ANKRD63: variants seen among roughly 807,000 people sequenced by gnomAD.
The protein encoded by ANKRD63 is ankyrin repeat domain-containing protein 63.
A neutral mutation model predicts 21.2 loss-of-function variants in ANKRD63; 18 were observed. The observed-to-expected ratio is 0.85, with a 90% CI of 0.59 to 1.26. The LOEUF is 1.26. Among genes scored for constraint, ANKRD63 ranks in the 50% most tolerant of loss-of-function variants. The probability of loss-of-function intolerance (pLI) is 0.00; values close to 1 mark genes in which losing one functional copy is unlikely to be tolerated. For missense variants in ANKRD63, 523 were observed against 570.9 expected, an observed-to-expected ratio of 0.92 and a Z score of 0.85; for synonymous variants, 322 against 273.3, an observed-to-expected ratio of 1.18 and a Z score of -1.76.
Position 40,280,919 on chromosome 15 carries a change from C to T in ANKRD63, c.*525G>A, listed in dbSNP as rs2039534201. On this transcript the variant is annotated 3_prime_UTR_variant, in exon 1 of 1. Transcript: ENST00000434396. ...CCAGACCCCTTCCTCCTCAACCCTCCAGTCCTGAAAGGCTCTAGGGCCCCC... is the reference window on the plus strand; with the variant it reads ...CCAGACCCCTTCCTCCTCAACCCTCTAGTCCTGAAAGGCTCTAGGGCCCCC... Among the ~76,000 whole-genome samples the T allele has an allele frequency of 6.6e-6, 1 of 152,248 alleles. No individual in the cohort carries two copies. The highest frequency in any genetic ancestry group is 2.4e-5 in the African/African-American group (1 of 41,470).
At position 40,282,724 on chromosome 15, in the gene ANKRD63, C is replaced by T; in HGVS notation, c.-138G>A. The T allele has an allele frequency of 1.6e-6, 1 of 638,778 alleles. No individual in the cohort carries two copies. The allele number at this position is 638,778 out of a possible 1,614,324, so 39.6% of individuals were successfully genotyped here. The stretch of plus-strand genomic sequence containing the variant: ...CGTGGGCGGCTGCAGCCGAGGGTCC[C>T]GAGGTTCCTACTCCGCTGTCCCGGA... On this transcript the variant is annotated 5_prime_UTR_variant, in exon 1 of 1. Transcript: ENST00000434396.
chr15:40,279,086 C>T lies in ANKRD63; in HGVS notation c.*2358G>A, dbSNP rs2039514097. On this transcript the variant is annotated 3_prime_UTR_variant, in exon 1 of 1. Coordinates refer to ENST00000434396, the MANE Select transcript of ANKRD63 (RefSeq NM_001190479.3). Reference sequence around the variant, plus strand: ...CACTTGGGGTGTCCAGTGGTCCCCACCCTACCCCAGACCCTCTCTCTCAGG... The same window carrying T: ...CACTTGGGGTGTCCAGTGGTCCCCATCCTACCCCAGACCCTCTCTCTCAGG... 2.0e-5 allele frequency among the ~76,000 whole-genome samples: 3 copies of T among 152,260 alleles called. No homozygotes were observed. Among genetic ancestry groups the T allele is most frequent in the Non-Finnish European group, 4.4e-5 (3 of 68,042 alleles).
Position 40,282,206 on chromosome 15 carries a change from G to T in ANKRD63, c.381C>A (p.Cys127Ter). The T allele has an allele frequency of 6.6e-7, 1 of 1,504,082 alleles. No homozygotes were observed. The highest frequency in any genetic ancestry group is 2.7e-5 in the East Asian group (1 of 36,888). The allele number at this position is 1,504,082 out of a possible 1,614,324, so 93.2% of individuals were successfully genotyped here. A position where few individuals can be genotyped will look rare whatever the true frequency, so the allele number is the denominator to read the frequency against. Residue 127 changes from cysteine to a stop codon, truncating the protein, a stop_gained, in exon 1 of 1, where the codon TGC becomes TGA. Transcript: ENST00000434396. LOFTEE classifies it high-confidence loss of function. ...GNSPVMWAAACGHGAVLEFLV... is the reference protein window; with the variant it reads ...GNSPVMWAAA ...GGAACTCGAGCACCGCCCCGTGGCC[G>T]CAGGCCGCCGCCCACATCACCGGGC...
In ANKRD63 at chr15:40,281,379, G is replaced by A. The variant is rs546822438; in HGVS notation, c.*65C>T. On this transcript the variant is annotated 3_prime_UTR_variant, in exon 1 of 1. Transcript: ENST00000434396. ...TGCCGAAAAGGTGAGGGACCTAGAA[G>A]AGAGAAATACCAGTGGAGTAGAAAC... 4 of 1,292,558 alleles carry A rather than the reference G, an allele frequency of 3.1e-6. 1 individual carries two copies. In the East Asian group the frequency reaches 1.2e-4, roughly 40 times the overall value. The allele number at this position is 1,292,558 out of a possible 1,614,324, so 80.1% of individuals were successfully genotyped here.
chr15:40,280,041 G>A lies in ANKRD63; in HGVS notation c.*1403C>T, dbSNP rs1397569307. ...GGCAGGGGACAAAGGACAGTGTCAG[G>A]AAAGGGCCTCTGACCACCTCTCTGC... On this transcript the variant is annotated 3_prime_UTR_variant, in exon 1 of 1. Transcript: ENST00000434396. Among the ~76,000 whole-genome samples the A allele has an allele frequency of 1.3e-5, 2 of 152,244 alleles. No individual in the cohort carries two copies. Among genetic ancestry groups the A allele is most frequent in the East Asian group, 1.9e-4 (1 of 5,194 alleles).
At position 40,278,594 on chromosome 15, in the gene ANKRD63, T is replaced by TA. The variant is rs539553207; in HGVS notation, c.*2849dup. 2.2e-3 allele frequency among the ~76,000 whole-genome samples: 337 copies of TA among 152,096 alleles called. 1 individual carries two copies. Among genetic ancestry groups the TA allele is most frequent in the Admixed American group, 4.0e-3 (61 of 15,290 alleles). On this transcript the variant is annotated 3_prime_UTR_variant, in exon 1 of 1. Transcript: ENST00000434396. ...TATTTAGAAAAGTCTCTTCTGAAGG[T>TA]AGAGATTGCTAGAGAGGACCCAGCC...
rs369848854 is a variant in ANKRD63, at chr15:40,282,660, T to G, written c.-74A>C. On this transcript the variant is annotated 5_prime_UTR_variant, in exon 1 of 1. Transcript: ENST00000434396. ...CCCCTGTTCTCGCGCCCCGCGGGGC[T>G]CCGGCCTCCGCCCGCGCTCTGATAC... is the stretch of plus-strand genomic sequence containing the variant. 1 of 1,198,460 alleles carries G rather than the reference T, an allele frequency of 8.3e-7. No homozygotes were observed. The allele number at this position is 1,198,460 out of a possible 1,614,324, so 74.2% of individuals were successfully genotyped here.
rs2039549305 is a variant in ANKRD63, at chr15:40,281,978, GC to G, written c.608del (p.Ser203ThrfsTer55). Reference protein sequence around the residue: ...SPPGRPAPAASPEHRRPSPRR... With the variant: ...SPPGRPAPAAXPEHRRPSPRR... Reference sequence around the variant, plus strand: ...GGGGGCTGGGTCGTCGATGCTCGGGGCTGGCCGCGGGGGCCGGGCGGCCAGG... The same window carrying G: ...GGGGGCTGGGTCGTCGATGCTCGGGGTGGCCGCGGGGGCCGGGCGGCCAGG... On this transcript the variant is annotated frameshift_variant, in exon 1 of 1. Transcript: ENST00000434396. LOFTEE classifies it high-confidence loss of function. 1 of 1,223,258 alleles carries G rather than the reference GC, an allele frequency of 8.2e-7. No individual in the cohort carries two copies. Among genetic ancestry groups the G allele is most frequent in the East Asian group, 3.4e-5 (1 of 29,596 alleles). The allele number at this position is 1,223,258 out of a possible 1,614,324, so 75.8% of individuals were successfully genotyped here. A position where few individuals can be genotyped will look rare whatever the true frequency, so the allele number is the denominator to read the frequency against.
chr15:40,278,492 G>A lies in ANKRD63; in HGVS notation c.*2952C>T, dbSNP rs1275659075. On this transcript the variant is annotated 3_prime_UTR_variant, in exon 1 of 1. Transcript: ENST00000434396. ...CACAGCTCACACACACACCACTTCTGATCTTAGGGTACCAAGTGCCAGCAT... is the reference window on the plus strand; with the variant it reads ...CACAGCTCACACACACACCACTTCTAATCTTAGGGTACCAAGTGCCAGCAT... The A allele has an allele frequency of 6.6e-6, 1 of 152,226 alleles. No individual in the cohort carries two copies. The highest frequency in any genetic ancestry group is 2.4e-5 in the African/African-American group (1 of 41,436). 9.4% of individuals were successfully genotyped at this position (152,226 alleles called of 1,614,324 possible).
chr15:40,281,491 G>C lies in ANKRD63; in HGVS notation c.1096C>G (p.Pro366Ala). The change falls in exon 1 of 1, where the codon CCT becomes GCT. Residue 366 changes from proline (P) to alanine (A), a missense_variant. By Grantham distance (27) the Pro-to-Ala change is conservative. Around this residue, in one of 2 missense-constraint regions of ANKRD63, gnomAD observed 308 missense variants for 290.4 expected, o/e 1.06. Transcript: ENST00000434396. ...ACAGCCTCGGTGCCCGCCTGCCAAG[G>C]GTTCGGCCCAGGCACCGAGACAGAC... ...ALSVSVPGPN[P>A]WQAGTEAVVL... 1 of 1,449,858 alleles carries C rather than the reference G, an allele frequency of 6.9e-7. No homozygotes were observed. The highest frequency in any genetic ancestry group is 9.0e-7 in the Non-Finnish European group (1 of 1,105,728). 89.8% of individuals were successfully genotyped at this position (1,449,858 alleles called of 1,614,324 possible). A position where few individuals can be genotyped will look rare whatever the true frequency, so the allele number is the denominator to read the frequency against.
chr15:40,279,824 C>T lies in ANKRD63; in HGVS notation c.*1620G>A, dbSNP rs868800937. Among the ~76,000 whole-genome samples, 1 of 152,248 alleles carries T rather than the reference C, an allele frequency of 6.6e-6. No homozygotes were observed. The highest frequency in any genetic ancestry group is 1.5e-5 in the Non-Finnish European group (1 of 68,046). Reference sequence around the variant, plus strand: ...AGTCTTGCAAAGACCTTACTGCAGGCAGGTGAAAGGCTTCAAGTTCCACCC... The same window carrying T: ...AGTCTTGCAAAGACCTTACTGCAGGTAGGTGAAAGGCTTCAAGTTCCACCC... On this transcript the variant is annotated 3_prime_UTR_variant, in exon 1 of 1. Coordinates refer to ENST00000434396, the MANE Select transcript of ANKRD63 (RefSeq NM_001190479.3).
chr15:40,281,628 G>C lies in ANKRD63; in HGVS notation c.959C>G (p.Pro320Arg). Residue 320 changes from proline (P) to arginine (R), a missense_variant, in exon 1 of 1, where the codon CCC becomes CGC. By Grantham distance (103) the Pro-to-Arg change is moderately radical. Coordinates refer to ENST00000434396, the MANE Select transcript of ANKRD63 (RefSeq NM_001190479.3). ...IGLSPHPEGGPGSGRLGLRRR... is the reference protein window; with the variant it reads ...IGLSPHPEGGRGSGRLGLRRR... ...GCGCAAACCCAGGCGGCCAGAGCCG[G>C]GGCCGCCCTCCGGGTGGGGACTGAG... 6.6e-7 allele frequency: 1 copy of C among 1,526,488 alleles called. No homozygotes were observed. Among genetic ancestry groups the C allele is most frequent in the African/African-American group, 1.4e-5 (1 of 72,568 alleles). The allele number at this position is 1,526,488 out of a possible 1,614,324, so 94.6% of individuals were successfully genotyped here. A position where few individuals can be genotyped will look rare whatever the true frequency, so the allele number is the denominator to read the frequency against.
Position 40,281,991 on chromosome 15 carries a change from G to C in ANKRD63, c.596C>G (p.Ala199Gly). ...TCGATGCTCGGGGCTGGCCGCGGGG[G>C]CCGGGCGGCCAGGGGGACTATCGGA... ...SNSDSPPGRP[A>G]PAASPEHRRP... Residue 199 changes from alanine to glycine, a missense_variant, in exon 1 of 1, where the codon GCC becomes GGC. Physicochemically the swap from Ala to Gly is moderately conservative, Grantham distance 60. This residue lies in a region of ANKRD63 where 308 missense variants were observed against 290.4 expected (regional missense o/e 1.06). Coordinates refer to ENST00000434396, the MANE Select transcript of ANKRD63 (RefSeq NM_001190479.3). 1 of 1,215,896 alleles carries C rather than the reference G, an allele frequency of 8.2e-7. No homozygotes were observed. Among genetic ancestry groups the C allele is most frequent in the Non-Finnish European group, 1.0e-6 (1 of 979,068 alleles). The allele number at this position is 1,215,896 out of a possible 1,614,324, so 75.3% of individuals were successfully genotyped here. A position where few individuals can be genotyped will look rare whatever the true frequency, so the allele number is the denominator to read the frequency against.
chr15:40,282,706 G>T lies in ANKRD63; in HGVS notation c.-120C>A. On this transcript the variant is annotated 5_prime_UTR_variant, in exon 1 of 1. Transcript: ENST00000434396. ...GATACCTCTCCCTCCGCGCGTGGGC[G>T]GCTGCAGCCGAGGGTCCCGAGGTTC... 1.3e-6 allele frequency: 1 copy of T among 769,088 alleles called. No individual in the cohort carries two copies. The highest frequency in any genetic ancestry group is 1.9e-6 in the Non-Finnish European group (1 of 536,370). 47.6% of individuals were successfully genotyped at this position (769,088 alleles called of 1,614,324 possible).
Position 40,280,653 on chromosome 15 carries a change from G to A in ANKRD63, c.*791C>T, listed in dbSNP as rs773373802. On this transcript the variant is annotated 3_prime_UTR_variant, in exon 1 of 1. Transcript: ENST00000434396. ...TGAACCTCGATGATGGAATTCAAAT[G>A]CATCTGAGCTGAAGAGCGGGCTGGC... is the stretch of plus-strand genomic sequence containing the variant. 2.0e-5 allele frequency among the ~76,000 whole-genome samples: 3 copies of A among 152,358 alleles called. No homozygotes were observed. The highest frequency in any genetic ancestry group is 4.4e-5 in the Non-Finnish European group (3 of 68,032).
In ANKRD63 at chr15:40,281,381, G is replaced by A. The variant is rs761189799; in HGVS notation, c.*63C>T. 603 of 1,300,582 alleles carry A rather than the reference G, an allele frequency of 4.6e-4. No homozygotes were observed. The highest frequency in any genetic ancestry group is 5.8e-4 in the Non-Finnish European group (585 of 1,012,734). 80.6% of individuals were successfully genotyped at this position (1,300,582 alleles called of 1,614,324 possible). A position where few individuals can be genotyped will look rare whatever the true frequency, so the allele number is the denominator to read the frequency against. On this transcript the variant is annotated 3_prime_UTR_variant, in exon 1 of 1. Transcript: ENST00000434396. ...CCGAAAAGGTGAGGGACCTAGAAGAGAGAAATACCAGTGGAGTAGAAACGG... is the reference window on the plus strand; with the variant it reads ...CCGAAAAGGTGAGGGACCTAGAAGAAAGAAATACCAGTGGAGTAGAAACGG...
At position 40,281,774 on chromosome 15, in the gene ANKRD63, G is replaced by A. The variant is rs2039546083; in HGVS notation, c.813C>T (p.Arg271=). 2 of 1,535,016 alleles carry A rather than the reference G, an allele frequency of 1.3e-6. No homozygotes were observed. Among genetic ancestry groups the A allele is most frequent in the East Asian group, 2.4e-5 (1 of 40,896 alleles). The change falls in exon 1 of 1, where the codon CGC becomes CGT. Residue 271 remains arginine, a synonymous_variant. Coordinates refer to ENST00000434396, the MANE Select transcript of ANKRD63 (RefSeq NM_001190479.3). Reference sequence around the variant, plus strand: ...GGGCCATCAGGGCCCCAGCCCGCAGGCGGGCAGCCTCCTCCTCGGTTACCG... The same window carrying A: ...GGGCCATCAGGGCCCCAGCCCGCAGACGGGCAGCCTCCTCCTCGGTTACCG... ...LGAVTEEEAA[R]LRAGALMALP...
rs765343389 is a variant in ANKRD63 at position 40,280,649 on chromosome 15, A to C, written c.*795T>G. 6.6e-6 allele frequency among the ~76,000 whole-genome samples: 1 copy of C among 152,220 alleles called. No homozygotes were observed. Among genetic ancestry groups the C allele is most frequent in the Non-Finnish European group, 1.5e-5 (1 of 68,034 alleles). On this transcript the variant is annotated 3_prime_UTR_variant, in exon 1 of 1. Transcript: ENST00000434396. ...GTGTTGAACCTCGATGATGGAATTCAAATGCATCTGAGCTGAAGAGCGGGC... is the reference window on the plus strand; with the variant it reads ...GTGTTGAACCTCGATGATGGAATTCCAATGCATCTGAGCTGAAGAGCGGGC...
rs2039531699 is a variant in ANKRD63, at chr15:40,280,693, T to C, written c.*751A>G. 6.6e-6 allele frequency among the ~76,000 whole-genome samples: 1 copy of C among 152,068 alleles called. No homozygotes were observed. Among genetic ancestry groups the C allele is most frequent in the Non-Finnish European group, 1.5e-5 (1 of 68,006 alleles). ...AGCGGGCTGGCTCTGGAGCCCGGAG[T>C]TGGCCTGGGTAGGGGTTGTGTGGAG... On this transcript the variant is annotated 3_prime_UTR_variant, in exon 1 of 1. Coordinates refer to ENST00000434396, the MANE Select transcript of ANKRD63 (RefSeq NM_001190479.3).
Sources: allele counts gnomAD v4.1 joint callset (sites outside exome capture counted in the v4.1 genomes callset), GRCh38; gene constraint gnomAD v4.1.1; regional missense constraint gnomAD v4.1.1; transcripts MANE v1.5; gene names NCBI Gene and HGNC (gene_info 2026-07-23, HGNC 2026-07-21).